TMEM232: variants seen among roughly 807,000 people sequenced by gnomAD.
TMEM232 encodes transmembrane protein 232.
Under a neutral mutation model 78.8 loss-of-function variants are expected in TMEM232, and 80 were observed. That is an observed-to-expected ratio of 1.01 (90% CI 0.85 to 1.22). The LOEUF (loss-of-function observed/expected upper bound fraction) is 1.22, where lower values mean the gene tolerates loss of function less well. Among genes scored for constraint, TMEM232 ranks in the 50% most tolerant of loss-of-function variants. TMEM232 has a pLI of 0.00. For synonymous variants in TMEM232, 297 were observed against 254.3 expected (o/e 1.17, Z -1.60); for missense variants, 881 against 742.2 (o/e 1.19, Z -2.17).
At chr5:110,619,704 T>C (rs1366012065) in intron 7 of TMEM232, among the ~76,000 whole-genome samples, 1 of 152,184 alleles carries the variant, frequency 6.6e-6, no homozygotes, top group Non-Finnish European at 1.5e-5. Context: ...ACCCCAAAAC[T>C]GGAACCCATA....
At chr5:110,646,946 T>C (rs984277196) in intron 2 of TMEM232, among the ~76,000 whole-genome samples, 4 of 151,770 alleles carry the variant, frequency 2.6e-5, no homozygotes, top group East Asian at 1.9e-4. Context: ...TTTGTTTTTT[T>C]TTCTTCTTCT....
chr5:110,564,208 A>G (rs773796370), intron 11 of TMEM232, among the ~76,000 whole-genome samples: 2 of 152,012 alleles, frequency 1.3e-5, no homozygotes, highest in Non-Finnish European at 2.9e-5. Context: ...AGAAATAACC[A>G]GAAATTTTCA....
intron 12 of TMEM232, among the ~76,000 whole-genome samples, chr5:110,523,158 T>C (rs961783018): frequency 3.9e-5 from 6 of 152,208 alleles, no homozygotes; most frequent in Non-Finnish European, 7.3e-5. Context: ...TAGGAATGTA[T>C]CCATTTCTTC....
chr5:110,423,805 G>A (rs1332678893), intron 13 of TMEM232, among the ~76,000 whole-genome samples: 1 of 151,798 alleles, frequency 6.6e-6, no homozygotes, highest in Non-Finnish European at 1.5e-5. Context: ...GTGTGTGTGT[G>A]TGTGTATGTG....
At chr5:110,702,471 T>C (rs1490255317) in intron 1 of TMEM232, among the ~76,000 whole-genome samples, 1 of 152,026 alleles carries the variant, frequency 6.6e-6, no homozygotes, top group African/African-American at 2.4e-5. Flanking sequence ...CTCTCTGGAA[T>C]TCACATATCA....
At chr5:110,637,063 TAA>T (rs1300123927) in intron 5 of TMEM232, among the ~76,000 whole-genome samples, 4 of 151,362 alleles carry the variant, frequency 2.6e-5, no homozygotes, top group Admixed American at 2.6e-4. Context: ...TATTCCATTT[TAA>T]AAATTTTATC....
chr5:110,453,035 GT>G (rs1760492360), intron 12 of TMEM232, among the ~76,000 whole-genome samples: 1 of 152,164 alleles, frequency 6.6e-6, no homozygotes, highest in Admixed American at 6.5e-5. Context: ...GGAGCTATTA[GT>G]AGCTTTATCT....
chr5:110,692,475 C>A (rs1284546371), intron 1 of TMEM232, among the ~76,000 whole-genome samples: 1 of 152,176 alleles, frequency 6.6e-6, no homozygotes, highest in Admixed American at 6.5e-5. Context: ...GTGCAGCACA[C>A]CGTGTGTGAG....
At position 110,638,337 on chromosome 5, in the gene TMEM232, T is replaced by C. The variant is rs993363521; in HGVS notation, c.362A>G (p.Tyr121Cys). The C allele has an allele frequency of 3.3e-6, 5 of 1,537,788 alleles. No homozygotes were observed. The African/African-American group carries it at 4.2e-5, about 13-fold the overall frequency. Reference protein sequence around the residue: ...EIQDESLNMLYASLDHASFDY... With the variant: ...EIQDESLNMLCASLDHASFDY... ...AAAGGAAGCATGGTCCAGAGATGCA[T>C]AAAGCATATTTAAAGATTCTGAAAT... The change falls in exon 5 of 14, where the codon TAT (tyrosine) becomes TGT (cysteine). Residue 121 changes from tyrosine to cysteine, a missense_variant. Coordinates refer to ENST00000455884, the MANE Select transcript of TMEM232 (RefSeq NM_001039763.4).
chr5:110,485,454 AC>A (rs1443265236), intron 12 of TMEM232, among the ~76,000 whole-genome samples: 1 of 151,256 alleles, frequency 6.6e-6, no homozygotes, highest in African/African-American at 2.4e-5. Context: ...CTCACCCACC[AC>A]CCCCCTAACT....
intron 7 of TMEM232, among the ~76,000 whole-genome samples, chr5:110,618,924 G>C (rs749895406): frequency 6.6e-6 from 1 of 152,174 alleles, no homozygotes; most frequent in Non-Finnish European, 1.5e-5. Context: ...GGGAAAGTTT[G>C]AACAAAATGC....
At chr5:110,398,364 A>C (rs915551345) in intron 2 of TMEM232, among the ~76,000 whole-genome samples, 1 of 152,152 alleles carries the variant, frequency 6.6e-6, no homozygotes, top group African/African-American at 2.4e-5. Flanking sequence ...ATAAAGGACA[A>C]TGGCTCCTAA....
chr5:110,653,897 G>C (rs1270783813), intron 2 of TMEM232, among the ~76,000 whole-genome samples: 1 of 152,178 alleles, frequency 6.6e-6, no homozygotes, highest in Non-Finnish European at 1.5e-5. Flanking sequence ...AAAGATTTCA[G>C]ATTCACCGAC....
intron 12 of TMEM232, among the ~76,000 whole-genome samples, chr5:110,477,355 C>A (rs970603218): frequency 1.3e-5 from 2 of 151,816 alleles, no homozygotes; most frequent in African/African-American, 4.8e-5. Context: ...TTACTGATAT[C>A]AACTACTATT....
At chr5:110,494,519 T>C (rs1367274449) in intron 12 of TMEM232, among the ~76,000 whole-genome samples, 1 of 152,038 alleles carries the variant, frequency 6.6e-6, no homozygotes, top group Non-Finnish European at 1.5e-5. Context: ...AATACAACCA[T>C]TCAGAGTGCA....
intron 12 of TMEM232, among the ~76,000 whole-genome samples, chr5:110,523,155 G>A (rs1432500871): frequency 6.6e-6 from 1 of 152,072 alleles, no homozygotes; most frequent in African/African-American, 2.4e-5. Flanking sequence ...TTCTAGGAAT[G>A]TATCCATTTC....
chr5:110,433,996 A>G (rs180894557), intron 12 of TMEM232, among the ~76,000 whole-genome samples: 15 of 152,154 alleles, frequency 9.9e-5, no homozygotes, highest in African/African-American at 3.4e-4. Context: ...AGTATTATAG[A>G]ATGAGTTAAG....
intron 7 of TMEM232, among the ~76,000 whole-genome samples, chr5:110,623,412 A>G (rs928247416): frequency 6.6e-6 from 1 of 152,202 alleles, no homozygotes; most frequent in Admixed American, 6.6e-5. Flanking sequence ...GCTTTATCAA[A>G]TGATAAGGGC....
chr5:110,688,242 G>C (rs561921230), intron 1 of TMEM232, among the ~76,000 whole-genome samples: 1 of 152,232 alleles, frequency 6.6e-6, no homozygotes, highest in African/African-American at 2.4e-5. Flanking sequence ...TAGAGACATA[G>C]GTAGTTGGAT....
Sources: gnomAD v4.1 joint callset for allele counts (sites outside exome capture counted in the v4.1 genomes callset) on GRCh38, gnomAD v4.1.1 for gene constraint, MANE v1.5 for transcripts, NCBI Gene and HGNC (gene_info 2026-07-23, HGNC 2026-07-21) for gene names.